Variants in AMN observed in about 807,000 individuals in gnomAD.
AMN encodes protein amnionless.
Under a neutral mutation model 49.1 loss-of-function variants are expected in AMN, and 40 were observed. The observed-to-expected ratio is 0.81, with a 90% CI of 0.63 to 1.06. AMN has a LOEUF of 1.06. Ranked by LOEUF, AMN falls within the 50% of genes least tolerant of loss-of-function variation. AMN has a pLI of 0.00. For synonymous variants in AMN, 380 were observed against 313.3 expected, an observed-to-expected ratio of 1.21 and a Z score of -2.25; for missense variants, 701 against 662.8, an observed-to-expected ratio of 1.06 and a Z score of -0.63.
intron 3 of AMN, 143 bp from the exon 4 acceptor site, chr14:102,928,283 G>A (rs1388259395): frequency 1.1e-5 from 8 of 698,708 alleles, no homozygotes; most frequent in Non-Finnish European, 1.9e-5. Flanking sequence ...CCTCAGCCAG[G>A]CCGAGGACCC....
intron 10 of AMN, 27 bp from the exon 11 acceptor site, chr14:102,930,379 C>T (rs1227055879): frequency 5.3e-6 from 8 of 1,497,826 alleles, no homozygotes; most frequent in Non-Finnish European, 7.1e-6. Context: ...CCGAGGGGCT[C>T]ACGCTGCGTC....
At chr14:102,925,415 A>G (rs1891163620) in intron 3 of AMN, among the ~76,000 whole-genome samples, 1 of 152,110 alleles carries the variant, frequency 6.6e-6, no homozygotes, top group African/African-American at 2.4e-5. Flanking sequence ...CACACTGGGG[A>G]GGGCACCCAC....
chr14:102,925,247 G>C (rs1036909609), intron 3 of AMN, among the ~76,000 whole-genome samples: 17 of 152,378 alleles, frequency 1.1e-4, no homozygotes, highest in African/African-American at 4.1e-4. Flanking sequence ...CAGGCCTGGG[G>C]CCCCCGCGTG....
rs564649143 is a variant in AMN at position 102,925,260 on chromosome 14, C to T, written c.207+1281C>T. 5.3e-5 allele frequency among the ~76,000 whole-genome samples: 8 copies of T among 152,358 alleles called. No individual in the cohort carries two copies. In the South Asian group the frequency reaches 1.4e-3, roughly 28 times the overall value. ...TCCAGGCCTGGGGCCCCCGCGTGTG[C>T]GGGTGGGGAGGATGGCTCAATGGGC... is the stretch of plus-strand genomic sequence containing the variant. On this transcript the variant is annotated intron_variant, in intron 3 of 11. Coordinates refer to ENST00000299155, the MANE Select transcript of AMN (RefSeq NM_030943.4).
Position 102,929,982 on chromosome 14 carries a change from G to A in AMN, c.902G>A (p.Arg301His), listed in dbSNP as rs769673963. The A allele has an allele frequency of 5.8e-6, 9 of 1,564,674 alleles. No individual in the cohort carries two copies. Among genetic ancestry groups the A allele is most frequent in the South Asian group, 1.2e-5 (1 of 84,890 alleles). ...VSKVPRSSRLREADTEIQVVL... is the reference protein window; with the variant it reads ...VSKVPRSSRLHEADTEIQVVL... ...AAGGTGCCACGCTCGTCCCGGCTCC[G>A]TGAGGCCGATACGGAGATCCAGGTG... The change falls in exon 9 of 12, where the codon CGT becomes CAT. Residue 301 changes from arginine to histidine, a missense_variant. Transcript: ENST00000299155.
chr14:102,923,590 G>A (rs1029504329), intron 1 of AMN, 121 bp from the exon 2 acceptor site: 11 of 941,130 alleles, frequency 1.2e-5, no homozygotes, highest in Middle Eastern at 3.2e-4. Flanking sequence ...CCCCGGGGAT[G>A]GGGTTCCTAT....
intron 1 of AMN, 154 bp downstream of exon 1, chr14:102,922,885 C>G (rs1891090846): frequency 1.8e-6 from 2 of 1,098,050 alleles, no homozygotes; most frequent in African/African-American, 3.1e-5. Flanking sequence ...CCCTGCCTCC[C>G]TCGTCTGGCG....
In AMN at chr14:102,930,589, G is replaced by T; in HGVS notation, c.1271G>T (p.Arg424Leu). The change falls in exon 12 of 12, where the codon CGG becomes CTG. Residue 424 changes from arginine to leucine, a missense_variant. Transcript: ENST00000299155. ...TASEELPLPRRLSLVPKAAAD... is the reference protein window; with the variant it reads ...TASEELPLPRLLSLVPKAAAD... Reference sequence around the variant, plus strand: ...GTCACCCCGCAGCCCCTGCCGCGGCGGCTCAGCCTGGTTCCGAAGGCGGCC... The same window carrying T: ...GTCACCCCGCAGCCCCTGCCGCGGCTGCTCAGCCTGGTTCCGAAGGCGGCC... 6.3e-7 allele frequency: 1 copy of T among 1,583,576 alleles called. No individual in the cohort carries two copies. The highest frequency in any genetic ancestry group is 1.1e-5 in the South Asian group (1 of 87,038).
chr14:102,925,465 G>A (rs1891164765), intron 3 of AMN, among the ~76,000 whole-genome samples: 1 of 152,234 alleles, frequency 6.6e-6, no homozygotes, highest in Non-Finnish European at 1.5e-5. Context: ...ACAGGAGGAG[G>A]GCAGGGAGAG....
intron 1 of AMN, chr14:102,923,054 A>G: frequency 2.8e-6 from 1 of 353,822 alleles, no homozygotes; most frequent in Non-Finnish European, 5.2e-6. Context: ...TGCCGAGAGC[A>G]GCGAGTGTGC....
At position 102,930,585 on chromosome 14, in the gene AMN, C is replaced by T. The variant is rs1891328291; in HGVS notation, c.1267C>T (p.Arg423Trp). The change falls in exon 12 of 12, where the codon CGG becomes TGG. Residue 423 changes from arginine (R) to tryptophan (W), a missense_variant. Transcript: ENST00000299155. Reference sequence around the variant, plus strand: ...CCCTGTCACCCCGCAGCCCCTGCCGCGGCGGCTCAGCCTGGTTCCGAAGGC... The same window carrying T: ...CCCTGTCACCCCGCAGCCCCTGCCGTGGCGGCTCAGCCTGGTTCCGAAGGC... Reference protein sequence around the residue: ...VTASEELPLPRRLSLVPKAAA... With the variant: ...VTASEELPLPWRLSLVPKAAA... 1.3e-6 allele frequency: 2 copies of T among 1,580,430 alleles called. No individual in the cohort carries two copies. The highest frequency in any genetic ancestry group is 1.7e-6 in the Non-Finnish European group (2 of 1,165,180).
At chr14:102,928,318 T>C in intron 3 of AMN, 108 bp from the exon 4 acceptor site, 1 of 1,044,410 alleles carries the variant, frequency 9.6e-7, no homozygotes, top group East Asian at 2.6e-5. Context: ...CCCGGGCTCC[T>C]TCCGTGCACA....
intron 9 of AMN, 26 bp downstream of exon 9, chr14:102,930,112 CCGCCGCGCCT>C (rs1255732983): frequency 1.3e-6 from 2 of 1,511,088 alleles, no homozygotes; most frequent in Admixed American, 4.3e-5. Flanking sequence ...CCATCCCGCC[CCGCCGCGCCT>C]CGCCCCGCCG....
chr14:102,923,284 T>C (rs1435740696), intron 1 of AMN: 3 of 295,780 alleles, frequency 1.0e-5, no homozygotes, highest in African/African-American at 2.2e-5. Context: ...TTGCGCTCTG[T>C]CGCAGCTCTT....
Position 102,930,095 on chromosome 14 carries a change from G to A in AMN, c.1006+9G>A. On this transcript the variant is annotated intron_variant, in intron 9 of 11. Transcript: ENST00000299155. Reference sequence around the variant, plus strand: ...GGACGTCGCCGAGAACGGTAACCGCGCCCGCCCCATCCCGCCCCGCCGCGC... The same window carrying A: ...GGACGTCGCCGAGAACGGTAACCGCACCCGCCCCATCCCGCCCCGCCGCGC... 5 of 1,529,310 alleles carry A rather than the reference G, an allele frequency of 3.3e-6. No homozygotes were observed. The highest frequency in any genetic ancestry group is 4.4e-6 in the Non-Finnish European group (5 of 1,141,174). The allele number at this position is 1,529,310 out of a possible 1,614,324, so 94.7% of individuals were successfully genotyped here. A position where few individuals can be genotyped will look rare whatever the true frequency, so the allele number is the denominator to read the frequency against.
Position 102,928,513 on chromosome 14 carries a change from G to A in AMN, c.295G>A (p.Gly99Ser). 6 of 1,605,856 alleles carry A rather than the reference G, an allele frequency of 3.7e-6. No individual in the cohort carries two copies. Among genetic ancestry groups the A allele is most frequent in the Non-Finnish European group, 4.2e-6 (5 of 1,178,284 alleles). Residue 99 changes from glycine to serine, a missense_variant and splice_region_variant, in exon 4 of 12, where the codon GGC (glycine) becomes AGC (serine). Coordinates refer to ENST00000299155, the MANE Select transcript of AMN (RefSeq NM_030943.4). ...GGGCTCGCACCTGGACTGTGGCGCG[G>A]GTGAGGCGGTCGGGCAGGGGCGGGG... Reference protein sequence around the residue: ...DVGSHLDCGAGEPAVFRDSDR... With the variant: ...DVGSHLDCGASEPAVFRDSDR...
At chr14:102,923,586 G>C in intron 1 of AMN, 125 bp from the exon 2 acceptor site, 3 of 920,998 alleles carry the variant, frequency 3.3e-6, no homozygotes, top group Non-Finnish European at 3.6e-6. Context: ...GGGCCCCCGG[G>C]GATGGGGTTC....
chr14:102,928,513 G>C lies in AMN; in HGVS notation c.295G>C (p.Gly99Arg). 1.2e-6 allele frequency: 2 copies of C among 1,605,858 alleles called. No individual in the cohort carries two copies. The highest frequency in any genetic ancestry group is 1.1e-5 in the South Asian group (1 of 90,556). Residue 99 changes from glycine (G) to arginine (R), a missense_variant and splice_region_variant, in exon 4 of 12, where the codon GGC becomes CGC. Gly to Arg is a moderately radical substitution (Grantham distance 125, BLOSUM62 -2). Coordinates refer to ENST00000299155, the MANE Select transcript of AMN (RefSeq NM_030943.4). The stretch of plus-strand genomic sequence containing the variant: ...GGGCTCGCACCTGGACTGTGGCGCG[G>C]GTGAGGCGGTCGGGCAGGGGCGGGG... ...DVGSHLDCGA[G>R]EPAVFRDSDR... is the part of the protein sequence containing the mutation.
chr14:102,922,977 C>A, intron 1 of AMN: 1 of 543,250 alleles, frequency 1.8e-6, no homozygotes, highest in Non-Finnish European at 3.1e-6. Flanking sequence ...CTCGGCCAGC[C>A]CCGGCCTCCG....
Sources: gnomAD v4.1 joint callset for allele counts (sites outside exome capture counted in the v4.1 genomes callset) on GRCh38, gnomAD v4.1.1 for gene constraint, MANE v1.5 for transcripts, NCBI Gene and HGNC (gene_info 2026-07-23, HGNC 2026-07-21) for gene names.